PARD3B: variants seen among roughly 807,000 people sequenced by gnomAD.
PARD3B encodes par-3 family cell polarity regulator beta.
Under a neutral mutation model 130.2 loss-of-function variants are expected in PARD3B, and 103 were observed. That is an observed-to-expected ratio of 0.79 (90% CI 0.67 to 0.93). PARD3B has a LOEUF of 0.93. PARD3B is among the 40% of genes least tolerant of loss of function. The probability of loss-of-function intolerance (pLI) is 0.00; values close to 1 mark genes in which losing one functional copy is unlikely to be tolerated. For synonymous variants in PARD3B, 583 were observed against 553.2 expected (o/e 1.05, Z -0.76); for missense variants, 1,609 against 1,499.2 (o/e 1.07, Z -1.21).
chr2:205,332,151 T>C (rs1491003307), intron 18 of PARD3B, among the ~76,000 whole-genome samples: 4 of 152,140 alleles, frequency 2.6e-5, no homozygotes, highest in Non-Finnish European at 4.4e-5. Flanking sequence ...CATTGTAATA[T>C]AAAAGATAGT....
chr2:205,353,680 G>C lies in PARD3B; in HGVS notation c.2631-47333G>C, dbSNP rs372740236. ...ACAAGACTGGGGCCTGGAGAAGTGA[G>C]GTCATTTGCCCACCATCCTGCAGCT... is the stretch of plus-strand genomic sequence containing the variant. On this transcript the variant is annotated intron_variant, in intron 18 of 22. Transcript: ENST00000406610. Among the ~76,000 whole-genome samples, 30 of 152,224 alleles carry C rather than the reference G, an allele frequency of 2.0e-4. No homozygotes were observed. In the East Asian group the frequency reaches 4.8e-3, roughly 24 times the overall value.
intron 1 of PARD3B, among the ~76,000 whole-genome samples, chr2:204,662,802 C>T (rs192874183): frequency 1.8e-4 from 28 of 152,102 alleles, no homozygotes; most frequent in African/African-American, 4.3e-4. Context: ...CAGTTTGACC[C>T]GCCATCAGTC....
intron 20 of PARD3B, among the ~76,000 whole-genome samples, chr2:205,486,156 C>T (rs1315198201): frequency 4.6e-5 from 7 of 152,172 alleles, no homozygotes; most frequent in Admixed American, 4.6e-4. Flanking sequence ...TTTAGGTCTG[C>T]TACCAGTTTA....
Position 205,301,625 on chromosome 2 carries a change from A to G in PARD3B, c.2554A>G (p.Lys852Glu). The change falls in exon 18 of 23, where the codon AAG (lysine) becomes GAG (glutamate). Residue 852 changes from lysine to glutamate, a missense_variant. Transcript: ENST00000406610. This position sits in a 1 kb window ranked among gnomAD's most constrained non-coding sequence, Gnocchi z 5.2. ...KKKEKGKLKV[K>E]EKKRKEENED... ...AAAGGAAAAGGGCAAATTGAAAGTC[A>G]AGGAGAAAAAGCGCAAAGAGGAGAA... is the stretch of plus-strand genomic sequence containing the variant. 1 of 1,613,644 alleles carries G rather than the reference A, an allele frequency of 6.2e-7. No homozygotes were observed. The highest frequency in any genetic ancestry group is 8.5e-7 in the Non-Finnish European group (1 of 1,179,710).
At chr2:204,976,288 G>C (rs1298568746) in intron 3 of PARD3B, among the ~76,000 whole-genome samples, 1 of 152,114 alleles carries the variant, frequency 6.6e-6, no homozygotes, top group African/African-American at 2.4e-5. Flanking sequence ...ACAAGCCCTG[G>C]AGCAAGCCTG....
chr2:204,730,641 G>T (rs1485128737), intron 2 of PARD3B, among the ~76,000 whole-genome samples: 1 of 150,586 alleles, frequency 6.6e-6, no homozygotes, highest in Non-Finnish European at 1.5e-5. Context: ...AAATCACATA[G>T]TGATACTCTG....
At chr2:204,970,621 T>C (rs1559312526) in intron 3 of PARD3B, among the ~76,000 whole-genome samples, 1 of 152,184 alleles carries the variant, frequency 6.6e-6, no homozygotes, top group East Asian at 1.9e-4. Context: ...TTTTGTACCT[T>C]TTGATAATTT....
At chr2:205,512,870 A>T (rs2050639983) in intron 21 of PARD3B, among the ~76,000 whole-genome samples, 1 of 152,142 alleles carries the variant, frequency 6.6e-6, no homozygotes, top group Admixed American at 6.6e-5. Context: ...AACCATGTGG[A>T]GACACCTCCT....
chr2:204,791,687 C>CT (rs1332179193), intron 2 of PARD3B, among the ~76,000 whole-genome samples: 2 of 152,134 alleles, frequency 1.3e-5, no homozygotes, highest in Non-Finnish European at 2.9e-5. Flanking sequence ...TTAAATTGTT[C>CT]TTTTTGAATT....
chr2:204,636,117 T>C (rs1406491009), intron 1 of PARD3B, among the ~76,000 whole-genome samples: 1 of 152,146 alleles, frequency 6.6e-6, no homozygotes, highest in Non-Finnish European at 1.5e-5. Flanking sequence ...TAATTTATGA[T>C]GTTATAGGTA....
At position 205,589,680 on chromosome 2, in the gene PARD3B, G is replaced by A. The variant is rs2054316480; in HGVS notation, c.3261-25776G>A. 6.6e-6 allele frequency among the ~76,000 whole-genome samples: 1 copy of A among 152,048 alleles called. No homozygotes were observed. The highest frequency in any genetic ancestry group is 6.5e-5 in the Admixed American group (1 of 15,272). On this transcript the variant is annotated intron_variant, in intron 22 of 22. Coordinates refer to ENST00000406610, the MANE Select transcript of PARD3B (RefSeq NM_001302769.2). The surrounding 1 kb of genome is among the most constrained non-coding windows in gnomAD (Gnocchi z 4.1). ...GCACCCTCACATTGTTGTCTCTATTGGAGAATTGCTAGAGGACTCGAGTTA... is the reference window on the plus strand; with the variant it reads ...GCACCCTCACATTGTTGTCTCTATTAGAGAATTGCTAGAGGACTCGAGTTA...
chr2:204,992,370 CA>C (rs1693790438), intron 3 of PARD3B, among the ~76,000 whole-genome samples: 1 of 123,994 alleles, frequency 8.1e-6, no homozygotes, highest in Non-Finnish European at 1.7e-5. Flanking sequence ...TCAGGTTTGT[CA>C]AAGATCAGAT....
At chr2:204,835,575 G>C (rs1236761991) in intron 2 of PARD3B, among the ~76,000 whole-genome samples, 1 of 152,108 alleles carries the variant, frequency 6.6e-6, no homozygotes, top group Non-Finnish European at 1.5e-5. Flanking sequence ...TTGATGGTTG[G>C]AAAGGGTGGT....
chr2:205,147,341 T>C (rs1393476718), intron 10 of PARD3B, among the ~76,000 whole-genome samples: 1 of 152,122 alleles, frequency 6.6e-6, no homozygotes, highest in Non-Finnish European at 1.5e-5. Flanking sequence ...GGGGAGAGGG[T>C]TACTGTAGGA....
Position 205,458,769 on chromosome 2 carries a change from G to T in PARD3B, c.3044+18097G>T, listed in dbSNP as rs1575074505. ...CTTATCTCCTGGTATGCATATTTTT[G>T]ATCAAATGCTAGACACAGTCCTTGA... On this transcript the variant is annotated intron_variant, in intron 20 of 22. Transcript: ENST00000406610. The surrounding 1 kb of genome is among the most constrained non-coding windows in gnomAD (Gnocchi z 4.8). Among the ~76,000 whole-genome samples, 1 of 151,900 alleles carries T rather than the reference G, an allele frequency of 6.6e-6. No individual in the cohort carries two copies. The highest frequency in any genetic ancestry group is 1.5e-5 in the Non-Finnish European group (1 of 67,982).
intron 2 of PARD3B, among the ~76,000 whole-genome samples, chr2:204,952,707 T>C (rs558941127): frequency 6.6e-6 from 1 of 152,178 alleles, no homozygotes; most frequent in Admixed American, 6.5e-5. Flanking sequence ...AAAAATATTG[T>C]CAATATCACG....
chr2:204,841,497 A>C (rs1224613059), intron 2 of PARD3B, among the ~76,000 whole-genome samples: 5 of 152,172 alleles, frequency 3.3e-5, no homozygotes, highest in African/African-American at 1.2e-4. Context: ...TACAAGTGCA[A>C]CAAGTAGCAT....
chr2:204,677,482 A>C lies in PARD3B; in HGVS notation c.121-8699A>C, dbSNP rs1280183842. Among the ~76,000 whole-genome samples, 1 of 152,218 alleles carries C rather than the reference A, an allele frequency of 6.6e-6. No homozygotes were observed. The highest frequency in any genetic ancestry group is 1.5e-5 in the Non-Finnish European group (1 of 68,044). On this transcript the variant is annotated intron_variant, in intron 1 of 22. Transcript: ENST00000406610. The surrounding 1 kb of genome is among the most constrained non-coding windows in gnomAD (Gnocchi z 4.1). Reference sequence around the variant, plus strand: ...TGTTCTCCAATTTAGACAAGCCTCAATTAATTCAGCTCACTCATCATAAGA... The same window carrying C: ...TGTTCTCCAATTTAGACAAGCCTCACTTAATTCAGCTCACTCATCATAAGA...
At chr2:204,829,206 T>C (rs1331386419) in intron 2 of PARD3B, among the ~76,000 whole-genome samples, 1 of 152,238 alleles carries the variant, frequency 6.6e-6, no homozygotes, top group East Asian at 1.9e-4. Flanking sequence ...CATAGCCTAT[T>C]GTAAATTCTA....
Sources: allele counts gnomAD v4.1 joint callset (sites outside exome capture counted in the v4.1 genomes callset), GRCh38; gene constraint gnomAD v4.1.1; non-coding constraint Gnocchi (gnomAD v3.1); transcripts MANE v1.5; gene names NCBI Gene and HGNC (gene_info 2026-07-23, HGNC 2026-07-21).